NUBPL: variants seen among roughly 807,000 people sequenced by gnomAD.
NUBPL encodes the protein iron-sulfur cluster transfer protein NUBPL.
NUBPL carries 31 observed loss-of-function variants against 45.7 expected under a neutral mutation model. The ratio of observed to expected loss-of-function variants is 0.68; its 90% CI spans 0.51 to 0.92. NUBPL has a LOEUF of 0.92. Ranked by LOEUF, NUBPL falls within the 40% of genes least tolerant of loss-of-function variation. The pLI, the probability that NUBPL is intolerant of heterozygous loss-of-function variation, is 0.00. For synonymous variants in NUBPL, 144 were observed against 140.9 expected, an observed-to-expected ratio of 1.02 and a Z score of -0.15; for missense variants, 401 against 398.7, an observed-to-expected ratio of 1.01 and a Z score of -0.05.
chr14:31,759,230 A>T (rs1248293302), intron 6 of NUBPL, among the ~76,000 whole-genome samples: 1 of 152,056 alleles, frequency 6.6e-6, no homozygotes, highest in Non-Finnish European at 1.5e-5. Flanking sequence ...TCTTTATTTA[A>T]TACAGCTTTA....
intron 6 of NUBPL, among the ~76,000 whole-genome samples, chr14:31,762,798 G>A (rs915383201): frequency 1.2e-4 from 17 of 146,570 alleles, no homozygotes; most frequent in East Asian, 4.0e-4. Context: ...TTTTTCTAAT[G>A]AAAAAACATT....
At chr14:31,585,116 A>G (rs1483918276) in intron 3 of NUBPL, among the ~76,000 whole-genome samples, 1 of 152,182 alleles carries the variant, frequency 6.6e-6, no homozygotes, top group Non-Finnish European at 1.5e-5. Flanking sequence ...GCATGTTTTC[A>G]AGGTTCATCC....
At chr14:31,846,262 A>G in intron 8 of NUBPL, 2 of 525,232 alleles carry the variant, frequency 3.8e-6, no homozygotes, top group African/African-American at 3.9e-5. Flanking sequence ...TCTTTTTAGC[A>G]TTTATTATGA....
chr14:31,852,632 T>C (rs2040554925), intron 10 of NUBPL, among the ~76,000 whole-genome samples: 1 of 152,104 alleles, frequency 6.6e-6, no homozygotes, highest in Admixed American at 6.5e-5. Context: ...GGTCACGCCA[T>C]GGCACTCCAG....
At chr14:31,677,806 TACTG>T (rs779899990) in intron 6 of NUBPL, among the ~76,000 whole-genome samples, 1 of 152,194 alleles carries the variant, frequency 6.6e-6, no homozygotes, top group South Asian at 2.1e-4. Flanking sequence ...ACTATCCGGC[TACTG>T]ACTATGTTTG....
chr14:31,644,470 T>G (rs1566471981), intron 4 of NUBPL, among the ~76,000 whole-genome samples: 1 of 152,182 alleles, frequency 6.6e-6, no homozygotes, highest in Non-Finnish European at 1.5e-5. Flanking sequence ...TTGTGGTGTC[T>G]CCTATTAGTA....
intron 7 of NUBPL, among the ~76,000 whole-genome samples, chr14:31,807,671 G>A (rs1227699792): frequency 6.6e-6 from 1 of 152,110 alleles, no homozygotes; most frequent in Non-Finnish European, 1.5e-5. Context: ...CATTGCTTTT[G>A]GTGTTTTAGT....
intron 3 of NUBPL, among the ~76,000 whole-genome samples, chr14:31,571,624 A>AT (rs1188265078): frequency 6.6e-6 from 1 of 151,840 alleles, no homozygotes. Flanking sequence ...TAATTTTTGA[A>AT]TTTTTTGTAG....
intron 4 of NUBPL, among the ~76,000 whole-genome samples, chr14:31,639,674 C>T (rs1246193689): frequency 1.3e-5 from 2 of 152,148 alleles, no homozygotes; most frequent in African/African-American, 4.8e-5. Flanking sequence ...TTGTCTGTGC[C>T]CTACCCCAGA....
intron 6 of NUBPL, among the ~76,000 whole-genome samples, chr14:31,785,930 G>A (rs1395840123): frequency 6.6e-6 from 1 of 152,100 alleles, no homozygotes; most frequent in Non-Finnish European, 1.5e-5. Flanking sequence ...AGACCAAAGT[G>A]GGAGGATCAC....
chr14:31,696,463 G>A (rs987129428), intron 6 of NUBPL, among the ~76,000 whole-genome samples: 3 of 151,980 alleles, frequency 2.0e-5, no homozygotes, highest in African/African-American at 7.3e-5. Context: ...TCTTTATCTC[G>A]TTACATGGCC....
rs1357705765 is a variant in NUBPL, at chr14:31,812,973, CTT to C, written c.608-13655_608-13654del. 4.3e-5 allele frequency among the ~76,000 whole-genome samples: 6 copies of C among 139,018 alleles called. No homozygotes were observed. In the Admixed American group the frequency reaches 4.7e-4, roughly 11 times the overall value. The allele number at this position is 139,018 out of a possible 152,430, so 91.2% of individuals were successfully genotyped here. The stretch of plus-strand genomic sequence containing the variant: ...CTAAGTGAACTCATTCTGGATAGCT[CTT>C]GTTAGTTCTTTTTTTTTTTTTTTTT... On this transcript the variant is annotated intron_variant, in intron 7 of 10. Coordinates refer to ENST00000281081, the MANE Select transcript of NUBPL (RefSeq NM_025152.3).
intron 10 of NUBPL, among the ~76,000 whole-genome samples, chr14:31,850,513 T>C (rs753622137): frequency 6.6e-6 from 1 of 152,192 alleles, no homozygotes. Context: ...CCCAAGATTA[T>C]TATATTTCAG....
chr14:31,643,410 A>G (rs1030752096), intron 4 of NUBPL, among the ~76,000 whole-genome samples: 4 of 152,162 alleles, frequency 2.6e-5, no homozygotes, highest in South Asian at 2.1e-4. Flanking sequence ...AAATGATCAC[A>G]TGATATTTCC....
At chr14:31,706,968 G>A (rs968352163) in intron 6 of NUBPL, among the ~76,000 whole-genome samples, 2 of 152,190 alleles carry the variant, frequency 1.3e-5, no homozygotes, top group Non-Finnish European at 2.9e-5. Context: ...TTGGCTGAGT[G>A]CAAACAGCTC....
chr14:31,851,012 G>GCCAAC (rs1566598645), intron 10 of NUBPL, among the ~76,000 whole-genome samples: 1 of 151,758 alleles, frequency 6.6e-6, no homozygotes, highest in Non-Finnish European at 1.5e-5. Flanking sequence ...AGCCAACATA[G>GCCAAC]TTGGAGATAT....
intron 3 of NUBPL, among the ~76,000 whole-genome samples, chr14:31,579,904 A>G (rs548138321): frequency 3.9e-5 from 6 of 152,326 alleles, no homozygotes; most frequent in Admixed American, 1.3e-4. Flanking sequence ...GGTGAAATTC[A>G]TATTGATAGA....
At chr14:31,688,649 TTTGTTG>T (rs1156282991) in intron 6 of NUBPL, among the ~76,000 whole-genome samples, 2 of 105,622 alleles carry the variant, frequency 1.9e-5, no homozygotes, top group African/African-American at 9.5e-5. Flanking sequence ...TGAACAGGTT[TTTGTTG>T]TTGTTTTTTT....
At chr14:31,638,603 T>A (rs1309266047) in intron 4 of NUBPL, among the ~76,000 whole-genome samples, 1 of 152,102 alleles carries the variant, frequency 6.6e-6, no homozygotes, top group Non-Finnish European at 1.5e-5. Context: ...CTTTGTGGCG[T>A]TCTCTGTATT....
Sources: gnomAD v4.1 joint callset for allele counts (sites outside exome capture counted in the v4.1 genomes callset) on GRCh38, gnomAD v4.1.1 for gene constraint, MANE v1.5 for transcripts, NCBI Gene and HGNC (gene_info 2026-07-23, HGNC 2026-07-21) for gene names.